GMPS: variants seen among roughly 807,000 people sequenced by gnomAD.
The protein encoded by GMPS is guanosine monophosphate synthase.
GMPS carries 15 observed loss-of-function variants against 77.9 expected under a neutral mutation model. The observed-to-expected ratio is 0.19, with a 90% CI of 0.13 to 0.30. The LOEUF is 0.30. GMPS is among the 10% of genes least tolerant of loss of function. The pLI is 1.00. For synonymous variants in GMPS, 224 were observed against 275.9 expected (o/e 0.81, Z 1.86); for missense variants, 590 against 838.8 (o/e 0.70, Z 3.66).
chr3:155,894,186 T>C (rs1754542355), intron 2 of GMPS, among the ~76,000 whole-genome samples: 1 of 152,250 alleles, frequency 6.6e-6, no homozygotes, highest in African/African-American at 2.4e-5. Context: ...AGCCAGCTTA[T>C]GTAGTTTCTT....
intron 13 of GMPS, among the ~76,000 whole-genome samples, chr3:155,932,277 AACACACACACACAC>A (rs10548751): frequency 1.4e-4 from 20 of 141,150 alleles, no homozygotes; most frequent in African/African-American, 3.2e-4. Context: ...CAAATAAAGT[AACACACACACACAC>A]ACACACACAC....
In GMPS at chr3:155,937,761, A is replaced by G; in HGVS notation, c.*69A>G. ...ATTAGAAATCATTCCCATTATTGAC[A>G]TGCAGTACTGTGAAAAGAGTTACTG... On this transcript the variant is annotated 3_prime_UTR_variant, in exon 16 of 16. Coordinates refer to ENST00000496455, the MANE Select transcript of GMPS (RefSeq NM_003875.3). 1 of 764,904 alleles carries G rather than the reference A, an allele frequency of 1.3e-6. No individual in the cohort carries two copies. Among genetic ancestry groups the G allele is most frequent in the Admixed American group, 2.1e-5 (1 of 47,986 alleles). The allele number at this position is 764,904 out of a possible 1,614,324, so 47.4% of individuals were successfully genotyped here. A position where few individuals can be genotyped will look rare whatever the true frequency, so the allele number is the denominator to read the frequency against.
upstream of GMPS, among the ~76,000 whole-genome samples, chr3:155,870,106 A>T (rs1216762476): frequency 6.6e-6 from 1 of 152,228 alleles, no homozygotes; most frequent in Non-Finnish European, 1.5e-5. Flanking sequence ...GGAGCTGTAT[A>T]ACTTTTGAAG....
Position 155,937,618 on chromosome 3 carries a change from A to C in GMPS, c.2008A>C (p.Lys670Gln). ...EVVLKMVTEI[K>Q]KIPGISRIMY... ...GGTATTAAAGATGGTCACTGAGATT[A>C]AGAAGATTCCTGGTATTTCTCGAAT... The change falls in exon 16 of 16, where the codon AAG becomes CAG. Residue 670 changes from lysine to glutamine, a missense_variant. Physicochemically the swap from Lys to Gln is moderately conservative, Grantham distance 53 (BLOSUM62 1). Coordinates refer to ENST00000496455, the MANE Select transcript of GMPS (RefSeq NM_003875.3). The C allele has an allele frequency of 6.6e-7, 1 of 1,504,604 alleles. No homozygotes were observed. The highest frequency in any genetic ancestry group is 1.7e-5 in the Admixed American group (1 of 59,706). The allele number at this position is 1,504,604 out of a possible 1,614,324, so 93.2% of individuals were successfully genotyped here.
intron 2 of GMPS, among the ~76,000 whole-genome samples, chr3:155,896,295 C>T (rs938618856): frequency 1.3e-5 from 2 of 152,072 alleles, no homozygotes; most frequent in African/African-American, 2.4e-5. Flanking sequence ...AGGTGTGAGC[C>T]ACCATGCCTG....
At chr3:155,872,012 A>C (rs1185175989) in intron 1 of GMPS, among the ~76,000 whole-genome samples, 1 of 151,850 alleles carries the variant, frequency 6.6e-6, no homozygotes, top group Non-Finnish European at 1.5e-5. Context: ...ATTAAGATAC[A>C]CCTCCTCTGT....
chr3:155,902,641 A>G (rs950819145), intron 3 of GMPS, among the ~76,000 whole-genome samples: 2 of 152,188 alleles, frequency 1.3e-5, no homozygotes, highest in Non-Finnish European at 2.9e-5. Context: ...TGGCCCTTTA[A>G]GAAAATTTAC....
chr3:155,888,104 G>T (rs1480769600), intron 1 of GMPS, among the ~76,000 whole-genome samples: 6 of 151,496 alleles, frequency 4.0e-5, no homozygotes, highest in South Asian at 2.1e-4. Flanking sequence ...AAGAGATAGG[G>T]TCTTGCTGCA....
At chr3:155,896,814 G>A (rs947339738) in intron 2 of GMPS, among the ~76,000 whole-genome samples, 5 of 129,708 alleles carry the variant, frequency 3.9e-5, no homozygotes, top group African/African-American at 1.4e-4. Context: ...AATATACTTT[G>A]TATATTTTTA....
intron 9 of GMPS, 58 bp downstream of exon 9, chr3:155,916,250 C>G: frequency 1.0e-6 from 1 of 972,136 alleles, no homozygotes; most frequent in Non-Finnish European, 1.6e-6. Flanking sequence ...TTCCATTCTT[C>G]CCTCCTCTTC....
rs200745127 is a variant in GMPS at position 155,914,574 on chromosome 3, C to T, written c.1038+4C>T. The T allele has an allele frequency of 7.6e-4, 1,179 of 1,552,144 alleles. 1 individual carries two copies. Among genetic ancestry groups the T allele is most frequent in the Non-Finnish European group, 9.4e-4 (1,076 of 1,149,718 alleles). On this transcript the variant is annotated splice_donor_region_variant and intron_variant, in intron 8 of 15. Transcript: ENST00000496455. ...CATTGGGGATACTTTTGTTAAGGTA[C>T]CTTTGTTTTTAATATCCTCAACATG...
At chr3:155,907,619 T>C (rs1754927042) in intron 5 of GMPS, among the ~76,000 whole-genome samples, 1 of 151,866 alleles carries the variant, frequency 6.6e-6, no homozygotes, top group Admixed American at 6.6e-5. Context: ...AAAACCAATA[T>C]AGCAAAAATG....
chr3:155,881,446 A>G (rs1323054997), intron 1 of GMPS, among the ~76,000 whole-genome samples: 1 of 152,174 alleles, frequency 6.6e-6, no homozygotes, highest in African/African-American at 2.4e-5. Context: ...TGCTGGGGTT[A>G]CAGGCGTGAG....
At chr3:155,878,386 A>G (rs1754111222) in intron 1 of GMPS, among the ~76,000 whole-genome samples, 1 of 152,138 alleles carries the variant, frequency 6.6e-6, no homozygotes, top group Non-Finnish European at 1.5e-5. Context: ...ATACCACCTT[A>G]TATTTATCCA....
At chr3:155,882,887 A>C (rs1188947197) in intron 1 of GMPS, among the ~76,000 whole-genome samples, 1 of 152,168 alleles carries the variant, frequency 6.6e-6, no homozygotes. Context: ...TTTTGTAAAT[A>C]GTTTTTTCAG....
At chr3:155,922,397 A>C in intron 11 of GMPS, 95 bp downstream of exon 11, 1 of 550,210 alleles carries the variant, frequency 1.8e-6, no homozygotes, top group South Asian at 3.0e-5. Flanking sequence ...TTATTATTTG[A>C]AAATTTGGTG....
At chr3:155,915,968 T>G in intron 8 of GMPS, 51 bp from the exon 9 acceptor site, 1 of 1,331,380 alleles carries the variant, frequency 7.5e-7, no homozygotes, top group Non-Finnish European at 1.0e-6. Context: ...AAACTTTTGC[T>G]TTTAAAAAAA....
In GMPS at chr3:155,936,522, A is replaced by G. The variant is rs1317460515; in HGVS notation, c.1980+12A>G. Reference sequence around the variant, plus strand: ...AGATCCCTGTAGAGGTAATTTATATATTTTTTTCTAATGCACGTTCTCAGT... The same window carrying G: ...AGATCCCTGTAGAGGTAATTTATATGTTTTTTTCTAATGCACGTTCTCAGT... On this transcript the variant is annotated intron_variant, in intron 15 of 15. Transcript: ENST00000496455. The G allele has an allele frequency of 3.9e-6, 6 of 1,532,856 alleles. No individual in the cohort carries two copies. The African/African-American group carries it at 4.1e-5, about 10-fold the overall frequency. The allele number at this position is 1,532,856 out of a possible 1,614,324, so 95.0% of individuals were successfully genotyped here.
intron 1 of GMPS, among the ~76,000 whole-genome samples, chr3:155,886,611 C>CTTTTTTTTTTT (rs58367815): frequency 2.6e-5 from 2 of 78,050 alleles, no homozygotes; most frequent in Non-Finnish European, 4.4e-5. Context: ...TTCCTGATGA[C>CTTTTTTTTTTT]TTTTTTTTTT....
Sources: gnomAD v4.1 joint callset for allele counts (sites outside exome capture counted in the v4.1 genomes callset) on GRCh38, gnomAD v4.1.1 for gene constraint, MANE v1.5 for transcripts, NCBI Gene and HGNC (gene_info 2026-07-23, HGNC 2026-07-21) for gene names.